The following ST3GAL5 variants were observed in gnomAD, a reference collection of about 807,000 sequenced individuals.
The protein encoded by ST3GAL5 is ST3 beta-galactoside alpha-2,3-sialyltransferase 5.
ST3GAL5 carries 25 observed loss-of-function variants against 46.1 expected under a neutral mutation model. That is an observed-to-expected ratio of 0.54 (90% CI 0.40 to 0.76). The LOEUF is 0.76. Ranked by LOEUF, ST3GAL5 falls within the 30% of genes least tolerant of loss-of-function variation. The pLI is 0.00. For synonymous variants in ST3GAL5, 182 were observed against 192.7 expected (o/e 0.94, Z 0.46); for missense variants, 431 against 521.2 (o/e 0.83, Z 1.69).
intron 3 of ST3GAL5, among the ~76,000 whole-genome samples, chr2:85,860,098 C>A (rs1214577989): frequency 1.3e-5 from 2 of 152,160 alleles, no homozygotes; most frequent in East Asian, 3.8e-4. Flanking sequence ...AGTTTCCCTG[C>A]CTGTGAGATG....
intron 1 of ST3GAL5, among the ~76,000 whole-genome samples, chr2:85,872,819 T>A (rs1273209844): frequency 6.6e-6 from 1 of 152,032 alleles, no homozygotes; most frequent in African/African-American, 2.4e-5. Context: ...CAAGTCACCG[T>A]TGGAGTTTTG....
rs7600473 is a variant in ST3GAL5, at chr2:85,881,441, T to C, written c.82+7383A>G. ...AAAAGAAAGGAAAATGTGGGAAAGT[T>C]TGGAATTTTCTGGAGGCTTGTTGAA... On this transcript the variant is annotated intron_variant, in intron 1 of 6. Coordinates refer to ENST00000638572, the MANE Select transcript of ST3GAL5 (RefSeq NM_003896.4). 2.9e-3 allele frequency among the ~76,000 whole-genome samples: 437 copies of C among 152,320 alleles called. 2 individuals are homozygous for C. Among genetic ancestry groups the C allele is most frequent in the Non-Finnish European group, 4.1e-3 (282 of 68,026 alleles).
Position 85,888,844 on chromosome 2 carries a change from G to A in ST3GAL5, c.62C>T (p.Ala21Val). The A allele has an allele frequency of 2.3e-6, 3 of 1,315,084 alleles. No homozygotes were observed. Among genetic ancestry groups the A allele is most frequent in the South Asian group, 2.0e-5 (1 of 50,220 alleles). The allele number at this position is 1,315,084 out of a possible 1,614,324, so 81.5% of individuals were successfully genotyped here. A position where few individuals can be genotyped will look rare whatever the true frequency, so the allele number is the denominator to read the frequency against. Residue 21 changes from alanine to valine, a missense_variant, in exon 1 of 7, where the codon GCG becomes GTG. Ala to Val is a moderately conservative substitution (Grantham distance 64, BLOSUM62 0). Transcript: ENST00000638572. ...CGTACCTCGGCCGGCAGGTGCCGCC[G>A]CTGCCTCGGTCCGCGGCTGCAGGGG... is the stretch of plus-strand genomic sequence containing the variant. ...RRPLQPRTEAAAAPAGRAMPS... is the reference protein window; with the variant it reads ...RRPLQPRTEAVAAPAGRAMPS...
At chr2:85,873,829 TAC>T (rs1686215864) in intron 1 of ST3GAL5, among the ~76,000 whole-genome samples, 1 of 152,184 alleles carries the variant, frequency 6.6e-6, no homozygotes, top group African/African-American at 2.4e-5. Context: ...CTGCAAAGCA[TAC>T]AGATTCCCAC....
At chr2:85,861,645 T>TAAAAAA (rs3046643) in intron 2 of ST3GAL5, among the ~76,000 whole-genome samples, 23 of 123,744 alleles carry the variant, frequency 1.9e-4, no homozygotes, top group East Asian at 4.6e-4. Flanking sequence ...TGTCAGTCCT[T>TAAAAAA]AAAAAAAAAA....
At chr2:85,846,066 G>C (rs914259069) in intron 5 of ST3GAL5, 1 of 314,568 alleles carries the variant, frequency 3.2e-6, no homozygotes, top group African/African-American at 2.2e-5. Flanking sequence ...CGTGGTGGCA[G>C]GCGCCTGTAA....
intron 4 of ST3GAL5, 38 bp downstream of exon 4, chr2:85,847,823 A>T (rs766255738): frequency 6.2e-7 from 1 of 1,608,690 alleles, no homozygotes; most frequent in Non-Finnish European, 8.5e-7. Context: ...AAAAACAATA[A>T]AAATAAGTAA....
At position 85,840,942 on chromosome 2, in the gene ST3GAL5, C is replaced by CAAAAAA. The variant is rs1272089535; in HGVS notation, c.1009-556_1009-551dup. Among the ~76,000 whole-genome samples, 8 of 24,178 alleles carry CAAAAAA rather than the reference C, an allele frequency of 3.3e-4. 1 individual carries two copies. Among genetic ancestry groups the CAAAAAA allele is most frequent in the African/African-American group, 6.5e-4 (5 of 7,712 alleles). 15.9% of individuals were successfully genotyped at this position (24,178 alleles called of 152,430 possible). On this transcript the variant is annotated intron_variant, in intron 6 of 6. Transcript: ENST00000638572. The stretch of plus-strand genomic sequence containing the variant: ...CTGGCGACAGAGCAAGACTCTGTCT[C>CAAAAAA]AAAAAAAAAAAAAAAAAAAAAAAAG...
chr2:85,888,066 G>A (rs1687955022), intron 1 of ST3GAL5: 1 of 152,056 alleles, frequency 6.6e-6, no homozygotes, highest in Non-Finnish European at 1.5e-5. Context: ...AGAAAAACCC[G>A]GGGCCTGGAA....
chr2:85,880,335 C>A (rs1687011616), intron 1 of ST3GAL5, among the ~76,000 whole-genome samples: 1 of 152,202 alleles, frequency 6.6e-6, no homozygotes, highest in Admixed American at 6.5e-5. Flanking sequence ...TCAGGTCTAA[C>A]TAAAACATAT....
At chr2:85,864,324 A>G (rs1685050271) in intron 1 of ST3GAL5, among the ~76,000 whole-genome samples, 1 of 152,168 alleles carries the variant, frequency 6.6e-6, no homozygotes, top group Non-Finnish European at 1.5e-5. Flanking sequence ...TTTAAAAAGG[A>G]CCTTTTACCT....
Position 85,839,662 on chromosome 2 carries a change from C to T in ST3GAL5, c.*482G>A, listed in dbSNP as rs115544178. 784 of 241,448 alleles carry T rather than the reference C, an allele frequency of 3.2e-3. 7 individuals carry two copies. Among genetic ancestry groups the T allele is most frequent in the African/African-American group, 0.016 (715 of 43,482 alleles). The allele number at this position is 241,448 out of a possible 1,614,324, so 15.0% of individuals were successfully genotyped here. ...GCCTCACGCCGCTGCATCGCAGACC[C>T]AGTATCAGCAGCAGAGCTACGGAGC... On this transcript the variant is annotated 3_prime_UTR_variant, in exon 7 of 7. Coordinates refer to ENST00000638572, the MANE Select transcript of ST3GAL5 (RefSeq NM_003896.4).
At chr2:85,844,625 A>G (rs1682551447) in intron 5 of ST3GAL5, 71 bp from the exon 6 acceptor site, 3 of 1,601,968 alleles carry the variant, frequency 1.9e-6, no homozygotes, top group Non-Finnish European at 2.6e-6. Context: ...CACTCATCAG[A>G]CCAAGGCTGT....
intron 3 of ST3GAL5, chr2:85,853,001 C>T (rs974325431): frequency 9.2e-5 from 120 of 1,304,120 alleles, no homozygotes; most frequent in Non-Finnish European, 1.2e-4. Context: ...CGGTGTAGGT[C>T]TGCAGAGTCC....
chr2:85,848,158 G>A lies in ST3GAL5; in HGVS notation c.365C>T (p.Pro122Leu). Residue 122 changes from proline (P) to leucine (L), a missense_variant, in exon 4 of 7, where the codon CCC (proline) becomes CTC (leucine). Pro to Leu is a moderately conservative substitution (Grantham distance 98). Coordinates refer to ENST00000638572, the MANE Select transcript of ST3GAL5 (RefSeq NM_003896.4). Reference sequence around the variant, plus strand: ...CGCCATTGATGTCTTGGCAAACTTGGGACGACATTCCTTCTGCAAGACTTG... The same window carrying A: ...CGCCATTGATGTCTTGGCAAACTTGAGACGACATTCCTTCTGCAAGACTTG... ...AQQVLQKECR[P>L]KFAKTSMALL... 1 of 1,614,128 alleles carries A rather than the reference G, an allele frequency of 6.2e-7. No homozygotes were observed. Among genetic ancestry groups the A allele is most frequent in the Non-Finnish European group, 8.5e-7 (1 of 1,180,014 alleles).
intron 3 of ST3GAL5, chr2:85,854,600 G>C (rs779856530): frequency 6.6e-6 from 1 of 152,202 alleles, no homozygotes; most frequent in Non-Finnish European, 1.5e-5. Context: ...CATTACTGAT[G>C]TACTCAAAGA....
chr2:85,863,537 G>A (rs1363908966), intron 1 of ST3GAL5, 52 bp from the exon 2 acceptor site: 14 of 1,602,636 alleles, frequency 8.7e-6, no homozygotes, highest in Non-Finnish European at 1.1e-5. Context: ...AGAGAGTTAG[G>A]AGGATGGATT....
At chr2:85,857,117 A>G (rs1275376025) in intron 3 of ST3GAL5, among the ~76,000 whole-genome samples, 1 of 145,344 alleles carries the variant, frequency 6.9e-6, no homozygotes, top group African/African-American at 2.5e-5. Context: ...ATGGTGGTGC[A>G]TGCTATAGTC....
chr2:85,886,542 TA>T (rs544501003), intron 1 of ST3GAL5, among the ~76,000 whole-genome samples: 5 of 148,190 alleles, frequency 3.4e-5, no homozygotes, highest in East Asian at 2.0e-4. Flanking sequence ...ATGCTATACT[TA>T]AAAAAAAAAG....
Sources: allele counts gnomAD v4.1 joint callset (sites outside exome capture counted in the v4.1 genomes callset), GRCh38; gene constraint gnomAD v4.1.1; transcripts MANE v1.5; gene names NCBI Gene and HGNC (gene_info 2026-07-23, HGNC 2026-07-21).